UBE2E2: variants seen among roughly 807,000 people sequenced by gnomAD.
UBE2E2 encodes the protein ubiquitin-conjugating enzyme E2 E2.
UBE2E2 carries 6 observed loss-of-function variants against 24.7 expected under a neutral mutation model. The observed-to-expected ratio is 0.24, with a 90% confidence interval of 0.13 to 0.48. The LOEUF is 0.48. UBE2E2 is among the 20% of genes least tolerant of loss of function. The pLI, the probability that UBE2E2 is intolerant of heterozygous loss-of-function variation, is 0.99. For missense variants in UBE2E2, 169 were observed against 245.0 expected (o/e 0.69, Z 2.07); for synonymous variants, 104 against 83.6 (o/e 1.24, Z -1.33).
chr3:23,446,720 T>TTTTA lies in UBE2E2; in HGVS notation c.228-52888_228-52887insTTTA, dbSNP rs1553612084. On this transcript the variant is annotated intron_variant, in intron 3 of 5. Transcript: ENST00000396703. ...TTTGGTTTTTTTTTTTTTTTTTTTT[T>TTTTA]ATCCGTAGGGTCATAAAAGGTATAG... Among the ~76,000 whole-genome samples, 848 of 145,290 alleles carry TTTTA rather than the reference T, an allele frequency of 5.8e-3. 17 individuals are homozygous for TTTTA. Among genetic ancestry groups the TTTTA allele is most frequent in the African/African-American group, 0.018 (684 of 38,278 alleles).
chr3:23,404,105 A>G (rs1697296030), intron 3 of UBE2E2, among the ~76,000 whole-genome samples: 1 of 152,132 alleles, frequency 6.6e-6, no homozygotes, highest in Admixed American at 6.6e-5. Context: ...CTTATTTGAC[A>G]TTGCTTTCTA....
At chr3:23,433,556 C>T (rs1359290323) in intron 3 of UBE2E2, among the ~76,000 whole-genome samples, 1 of 151,762 alleles carries the variant, frequency 6.6e-6, no homozygotes, top group African/African-American at 2.4e-5. Context: ...TTTATATGAT[C>T]TGATGATATC....
chr3:23,509,364 A>T (rs1278466071), intron 4 of UBE2E2, among the ~76,000 whole-genome samples: 1 of 152,172 alleles, frequency 6.6e-6, no homozygotes. Flanking sequence ...GAGAGATGGG[A>T]TGGGGAAATA....
At chr3:23,556,089 T>C (rs1339118878) in intron 5 of UBE2E2, among the ~76,000 whole-genome samples, 2 of 151,998 alleles carry the variant, frequency 1.3e-5, no homozygotes, top group African/African-American at 4.8e-5. Flanking sequence ...GTAACCATTT[T>C]TCTATATATT....
chr3:23,340,530 A>G (rs1025618872), intron 3 of UBE2E2, among the ~76,000 whole-genome samples: 1 of 152,058 alleles, frequency 6.6e-6, no homozygotes, highest in Non-Finnish European at 1.5e-5. Flanking sequence ...ACTAAAATAC[A>G]TGTTTTAAAA....
At chr3:23,403,128 A>T (rs778457) in intron 3 of UBE2E2, among the ~76,000 whole-genome samples, 26,837 of 152,208 alleles carry the variant, frequency 0.18, 2,354 homozygotes, top group South Asian at 0.21. Flanking sequence ...AAAAAAGACT[A>T]GTGAAATTGA....
At chr3:23,324,909 A>G (rs1694842440) in intron 3 of UBE2E2, among the ~76,000 whole-genome samples, 1 of 152,156 alleles carries the variant, frequency 6.6e-6, no homozygotes, top group Admixed American at 6.5e-5. Flanking sequence ...AATTACAGGA[A>G]GTGACACATA....
intron 3 of UBE2E2, among the ~76,000 whole-genome samples, chr3:23,296,919 C>A (rs1164247571): frequency 6.6e-6 from 1 of 152,158 alleles, no homozygotes; most frequent in Non-Finnish European, 1.5e-5. Context: ...GTTTACAGTC[C>A]CACCAACAGT....
chr3:23,355,902 T>C (rs1465027476), intron 3 of UBE2E2, among the ~76,000 whole-genome samples: 1 of 152,222 alleles, frequency 6.6e-6, no homozygotes, highest in Non-Finnish European at 1.5e-5. Context: ...ATTATATCTC[T>C]TACGTAAATC....
intron 3 of UBE2E2, among the ~76,000 whole-genome samples, chr3:23,304,758 A>AGT (rs1699195165): frequency 6.6e-6 from 1 of 152,214 alleles, no homozygotes; most frequent in Admixed American, 6.6e-5. Flanking sequence ...AAATCATATC[A>AGT]GTGAACTTTT....
intron 3 of UBE2E2, among the ~76,000 whole-genome samples, chr3:23,285,778 C>G (rs959882476): frequency 1.3e-5 from 2 of 152,166 alleles, no homozygotes; most frequent in African/African-American, 4.8e-5. Flanking sequence ...ACTGCAACCT[C>G]TGCCTTTTGG....
At chr3:23,374,639 T>A (rs543455645) in intron 3 of UBE2E2, among the ~76,000 whole-genome samples, 2 of 152,314 alleles carry the variant, frequency 1.3e-5, no homozygotes, top group East Asian at 3.9e-4. Context: ...ACTGCAGTGA[T>A]GAGCCAATTA....
At chr3:23,424,610 G>C (rs778493) in intron 3 of UBE2E2, among the ~76,000 whole-genome samples, 1 of 151,962 alleles carries the variant, frequency 6.6e-6, no homozygotes, top group South Asian at 2.1e-4. Context: ...CCAGGCATAA[G>C]GTTTCATTTA....
intron 3 of UBE2E2, among the ~76,000 whole-genome samples, chr3:23,231,490 A>G (rs1307133639): frequency 6.6e-6 from 1 of 152,226 alleles, no homozygotes; most frequent in Non-Finnish European, 1.5e-5. Context: ...AATAGTCAAC[A>G]CAAGACTTCT....
At chr3:23,466,623 A>G (rs1698924870) in intron 3 of UBE2E2, among the ~76,000 whole-genome samples, 1 of 152,012 alleles carries the variant, frequency 6.6e-6, no homozygotes, top group Non-Finnish European at 1.5e-5. Flanking sequence ...GCTGGAGTGC[A>G]ACGGTGCAAT....
chr3:23,454,182 C>T (rs1469804780), intron 3 of UBE2E2, among the ~76,000 whole-genome samples: 1 of 152,096 alleles, frequency 6.6e-6, no homozygotes, highest in Admixed American at 6.6e-5. Flanking sequence ...CCATTAGTTG[C>T]TCTTTAAATT....
chr3:23,371,383 C>T (rs1205309285), intron 3 of UBE2E2, among the ~76,000 whole-genome samples: 1 of 152,140 alleles, frequency 6.6e-6, no homozygotes, highest in Non-Finnish European at 1.5e-5. Context: ...CCATACCCTG[C>T]AGCATTGTGG....
chr3:23,379,511 T>TG (rs547321634), intron 3 of UBE2E2, among the ~76,000 whole-genome samples: 10 of 149,762 alleles, frequency 6.7e-5, no homozygotes, highest in Non-Finnish European at 1.3e-4. Context: ...TTTTTGTTCT[T>TG]GCGATAGTTT....
At position 23,344,649 on chromosome 3, in the gene UBE2E2, A is replaced by G. The variant is rs548331227; in HGVS notation, c.227+127337A>G. ...GGTTTGGATTGCTTGAGGCCAGGAG[A>G]TTGAAACTAGCCTGGGCAACATAGT... On this transcript the variant is annotated intron_variant, in intron 3 of 5. Transcript: ENST00000396703. 7.9e-5 allele frequency among the ~76,000 whole-genome samples: 12 copies of G among 152,018 alleles called. No homozygotes were observed. In the South Asian group the frequency reaches 2.5e-3, roughly 32 times the overall value.
Sources: gnomAD v4.1 joint callset for allele counts (sites outside exome capture counted in the v4.1 genomes callset) on GRCh38, gnomAD v4.1.1 for gene constraint, MANE v1.5 for transcripts, NCBI Gene and HGNC (gene_info 2026-07-23, HGNC 2026-07-21) for gene names.